The following CEP112 variants were observed in gnomAD, a reference collection of about 807,000 sequenced individuals.
The protein encoded by CEP112 is centrosomal protein of 112 kDa.
In CEP112, 127 loss-of-function variants were observed where a neutral mutation model predicts 153.0. The ratio of observed to expected loss-of-function variants is 0.83; its 90% confidence interval spans 0.72 to 0.96. The LOEUF (loss-of-function observed/expected upper bound fraction) is 0.96. Among genes scored for constraint, CEP112 ranks in the 40% least tolerant of loss-of-function variants. The probability of loss-of-function intolerance (pLI) is 0.00; values close to 1 mark genes in which losing one functional copy is unlikely to be tolerated. For missense variants in CEP112, 1,089 were observed against 1,101.2 expected (o/e 0.99, Z 0.16); for synonymous variants, 358 against 374.4 (o/e 0.96, Z 0.51).
chr17:66,182,195 C>T (rs1188749588), intron 2 of CEP112: 5 of 152,182 alleles, frequency 3.3e-5, no homozygotes, highest in Non-Finnish European at 7.3e-5. Flanking sequence ...AAATTACTTT[C>T]ACACAATTTT....
intron 4 of CEP112, among the ~76,000 whole-genome samples, chr17:66,160,993 G>GA (rs946178698): frequency 4.8e-4 from 69 of 145,002 alleles, no homozygotes; most frequent in East Asian, 1.0e-3. Context: ...AAATTTACAA[G>GA]AAAAAAAAAA....
chr17:66,105,980 G>A (rs934292294), intron 6 of CEP112, among the ~76,000 whole-genome samples: 2 of 151,938 alleles, frequency 1.3e-5, no homozygotes, highest in Non-Finnish European at 1.5e-5. Flanking sequence ...AATAAAACTA[G>A]AAATCAATAA....
At chr17:65,722,469 G>C (rs543579505) in intron 23 of CEP112, among the ~76,000 whole-genome samples, 32 of 152,188 alleles carry the variant, frequency 2.1e-4, no homozygotes, top group African/African-American at 7.7e-4. Flanking sequence ...GGTTGGTCTC[G>C]AACTCCTGAC....
intron 19 of CEP112, among the ~76,000 whole-genome samples, chr17:65,911,027 A>C (rs2060264065): frequency 6.6e-6 from 1 of 152,204 alleles, no homozygotes; most frequent in Admixed American, 6.5e-5. Context: ...CAGGGGAAGA[A>C]AGGATGATCA....
At chr17:65,719,973 G>T (rs925445235) in intron 23 of CEP112, among the ~76,000 whole-genome samples, 1 of 152,188 alleles carries the variant, frequency 6.6e-6, no homozygotes, top group African/African-American at 2.4e-5. Flanking sequence ...TCAGAAGCAG[G>T]GGAGGGCTAG....
Position 65,909,411 on chromosome 17 carries a change from T to C in CEP112, c.1981-7077A>G, listed in dbSNP as rs930904257. Among the ~76,000 whole-genome samples, 3 of 152,308 alleles carry C rather than the reference T, an allele frequency of 2.0e-5. No individual in the cohort carries two copies. In the East Asian group the frequency reaches 5.8e-4, roughly 29 times the overall value. On this transcript the variant is annotated intron_variant, in intron 19 of 26. Coordinates refer to ENST00000535342, the MANE Select transcript of CEP112 (RefSeq NM_001199165.4). ...TATTTGTCCTACAACTCAATGATAATTGCTCTCCCTTAAGTGAATAGAAAT... is the reference window on the plus strand; with the variant it reads ...TATTTGTCCTACAACTCAATGATAACTGCTCTCCCTTAAGTGAATAGAAAT...
chr17:65,944,026 G>A (rs2061578679), intron 18 of CEP112, among the ~76,000 whole-genome samples: 1 of 152,150 alleles, frequency 6.6e-6, no homozygotes, highest in African/African-American at 2.4e-5. Flanking sequence ...GTTCTATGCA[G>A]CCATAAAAAG....
intron 8 of CEP112, among the ~76,000 whole-genome samples, chr17:66,077,273 G>A (rs1009709126): frequency 6.6e-6 from 1 of 152,164 alleles, no homozygotes; most frequent in African/African-American, 2.4e-5. Context: ...TCAGAGAAAG[G>A]TGAAGCCCAA....
At chr17:65,760,706 T>C (rs567614002) in intron 21 of CEP112, among the ~76,000 whole-genome samples, 1 of 152,168 alleles carries the variant, frequency 6.6e-6, no homozygotes, top group East Asian at 1.9e-4. Flanking sequence ...TTAATAGATT[T>C]TTTTTCTTAT....
At chr17:66,003,995 A>C (rs889126186) in intron 17 of CEP112, among the ~76,000 whole-genome samples, 2 of 152,078 alleles carry the variant, frequency 1.3e-5, no homozygotes, top group African/African-American at 4.8e-5. Flanking sequence ...TAGATTTATA[A>C]ATCAATAAAC....
intron 20 of CEP112, among the ~76,000 whole-genome samples, chr17:65,900,762 A>G (rs2059817554): frequency 6.6e-6 from 1 of 152,198 alleles, no homozygotes; most frequent in Admixed American, 6.5e-5. Context: ...TTGAATGGCT[A>G]AGAGTCAAAA....
chr17:65,991,820 A>G (rs1202372486), intron 17 of CEP112, among the ~76,000 whole-genome samples: 1 of 152,080 alleles, frequency 6.6e-6, no homozygotes, highest in Non-Finnish European at 1.5e-5. Context: ...CAAAATGATC[A>G]AGTCACAATT....
intron 18 of CEP112, among the ~76,000 whole-genome samples, chr17:65,950,056 A>G (rs2144613837): frequency 6.6e-6 from 1 of 152,298 alleles, no homozygotes; most frequent in South Asian, 2.1e-4. Context: ...AAGTAGAATC[A>G]ACAGGTAAAT....
In CEP112 at chr17:66,027,497, T is replaced by C; in HGVS notation, c.1656+4A>G. The C allele has an allele frequency of 7.4e-7, 1 of 1,344,970 alleles. No individual in the cohort carries two copies. Among genetic ancestry groups the C allele is most frequent in the Non-Finnish European group, 9.9e-7 (1 of 1,007,682 alleles). The allele number at this position is 1,344,970 out of a possible 1,614,324, so 83.3% of individuals were successfully genotyped here. On this transcript the variant is annotated splice_donor_region_variant and intron_variant, in intron 16 of 26. Coordinates refer to ENST00000535342, the MANE Select transcript of CEP112 (RefSeq NM_001199165.4). Reference sequence around the variant, plus strand: ...TATTTTATAGCTTCCATAAAACATATTACCTTTTTTTCATAGATGTGTTTT... The same window carrying C: ...TATTTTATAGCTTCCATAAAACATACTACCTTTTTTTCATAGATGTGTTTT...
At chr17:66,001,724 T>C (rs879687939) in intron 17 of CEP112, among the ~76,000 whole-genome samples, 3 of 152,176 alleles carry the variant, frequency 2.0e-5, no homozygotes, top group Non-Finnish European at 2.9e-5. Context: ...ACAAGAATAT[T>C]GAAAAAGGAA....
At chr17:66,177,325 C>A (rs945497664) in intron 2 of CEP112, among the ~76,000 whole-genome samples, 1 of 152,160 alleles carries the variant, frequency 6.6e-6, no homozygotes, top group Non-Finnish European at 1.5e-5. Flanking sequence ...TCTGCTAACT[C>A]CTGGTCTACA....
At chr17:65,669,005 C>T (rs868543374) in intron 24 of CEP112, among the ~76,000 whole-genome samples, 6 of 152,140 alleles carry the variant, frequency 3.9e-5, no homozygotes, top group African/African-American at 1.2e-4. Flanking sequence ...ACAATTTCAA[C>T]GGGTAACTTG....
At chr17:65,848,533 G>A (rs921687786) in intron 21 of CEP112, among the ~76,000 whole-genome samples, 10 of 151,884 alleles carry the variant, frequency 6.6e-5, no homozygotes, top group Admixed American at 5.9e-4. Flanking sequence ...TTCCTTCACA[G>A]TTGCCCTCTC....
chr17:65,858,226 G>T (rs1325716251), intron 20 of CEP112, among the ~76,000 whole-genome samples: 3 of 152,100 alleles, frequency 2.0e-5, no homozygotes, highest in South Asian at 4.2e-4. Context: ...AAATTGGTTT[G>T]AGAGTATTTT....
Sources: allele counts gnomAD v4.1 joint callset (sites outside exome capture counted in the v4.1 genomes callset), GRCh38; gene constraint gnomAD v4.1.1; transcripts MANE v1.5; gene names NCBI Gene and HGNC (gene_info 2026-07-23, HGNC 2026-07-21).